FHIT: variants seen among roughly 807,000 people sequenced by gnomAD.
FHIT encodes the protein fragile histidine triad diadenosine triphosphatase, also known as bis(5'-adenosyl)-triphosphatase.
FHIT carries 19 observed loss-of-function variants against 17.9 expected under a neutral mutation model. That is an observed-to-expected ratio of 1.06 (90% CI 0.74 to 1.56). The LOEUF (loss-of-function observed/expected upper bound fraction) is 1.56. FHIT is among the 40% of genes most tolerant of loss of function. The pLI, the probability that FHIT is intolerant of heterozygous loss-of-function variation, is 0.00. For synonymous variants in FHIT, 81 were observed against 69.7 expected (o/e 1.16, Z -0.81); for missense variants, 248 against 189.2 (o/e 1.31, Z -1.82).
At chr3:60,352,338 A>T (rs1699447704) in intron 5 of FHIT, among the ~76,000 whole-genome samples, 2 of 152,186 alleles carry the variant, frequency 1.3e-5, no homozygotes, top group Admixed American at 6.5e-5. Flanking sequence ...AAACAATACG[A>T]AACTAAGAAT....
At chr3:60,527,791 T>C (rs1219155494) in intron 5 of FHIT, among the ~76,000 whole-genome samples, 1 of 152,172 alleles carries the variant, frequency 6.6e-6, no homozygotes, top group Admixed American at 6.5e-5. Flanking sequence ...GAAGAACTTC[T>C]CAGGACACCC....
chr3:59,986,534 T>TAC (rs1288319088), intron 7 of FHIT, among the ~76,000 whole-genome samples: 5 of 11,880 alleles, frequency 4.2e-4, no homozygotes, highest in African/African-American at 2.2e-3. Flanking sequence ...TATATATATA[T>TAC]ATATATACAC....
intron 5 of FHIT, among the ~76,000 whole-genome samples, chr3:60,046,823 G>A (rs544694870): frequency 4.6e-5 from 7 of 152,338 alleles, no homozygotes; most frequent in Admixed American, 3.9e-4. Context: ...ATGCCAGGCA[G>A]GGCATAAGTA....
At chr3:60,931,901 T>G (rs1417491450) in intron 3 of FHIT, among the ~76,000 whole-genome samples, 2 of 152,194 alleles carry the variant, frequency 1.3e-5, no homozygotes, top group East Asian at 3.8e-4. Context: ...GTGTCCTAAT[T>G]ATCCAACTAT....
chr3:60,083,383 T>C (rs1337362300), intron 5 of FHIT, among the ~76,000 whole-genome samples: 2 of 152,188 alleles, frequency 1.3e-5, no homozygotes, highest in Non-Finnish European at 2.9e-5. Flanking sequence ...TGAAGTCAGA[T>C]AACATGATAC....
intron 4 of FHIT, among the ~76,000 whole-genome samples, chr3:60,635,665 A>G (rs2039565703): frequency 6.6e-6 from 1 of 152,158 alleles, no homozygotes; most frequent in Admixed American, 6.5e-5. Flanking sequence ...TTGACAGATT[A>G]AAAGCTCAGA....
chr3:60,786,766 G>A (rs552689959), intron 4 of FHIT, among the ~76,000 whole-genome samples: 2 of 152,260 alleles, frequency 1.3e-5, no homozygotes, highest in East Asian at 3.9e-4. Context: ...CACAGGGCCT[G>A]TCACAAAGTA....
intron 2 of FHIT, among the ~76,000 whole-genome samples, chr3:61,114,874 C>T (rs2036255839): frequency 6.6e-6 from 1 of 152,164 alleles, no homozygotes; most frequent in Non-Finnish European, 1.5e-5. Flanking sequence ...CCTACAGTAG[C>T]TCCCCAATGC....
intron 1 of FHIT, among the ~76,000 whole-genome samples, chr3:61,205,090 T>C (rs9843237): frequency 0.58 from 87,089 of 151,156 alleles, 28,740 homozygotes; most frequent in African/African-American, 0.88. Context: ...TTTGTCCTTG[T>C]GATAGTTTGC....
chr3:60,601,968 G>A (rs1302384471), intron 4 of FHIT, among the ~76,000 whole-genome samples: 1 of 152,100 alleles, frequency 6.6e-6, no homozygotes, highest in Non-Finnish European at 1.5e-5. Flanking sequence ...CCATGATGGA[G>A]AAACTCAAAA....
At chr3:60,632,746 A>T (rs1409344495) in intron 4 of FHIT, among the ~76,000 whole-genome samples, 1 of 152,154 alleles carries the variant, frequency 6.6e-6, no homozygotes, top group Non-Finnish European at 1.5e-5. Context: ...AATGTAAATA[A>T]ATTTTCTAAA....
intron 5 of FHIT, among the ~76,000 whole-genome samples, chr3:60,306,015 A>T (rs1708654013): frequency 6.6e-6 from 1 of 152,138 alleles, no homozygotes; most frequent in Non-Finnish European, 1.5e-5. Flanking sequence ...AGAAAAGCAA[A>T]TTCTGTCAGT....
At chr3:60,107,878 A>G (rs1260603405) in intron 5 of FHIT, among the ~76,000 whole-genome samples, 1 of 152,216 alleles carries the variant, frequency 6.6e-6, no homozygotes, top group Admixed American at 6.5e-5. Context: ...TAAATACAGG[A>G]AAGAATAGTG....
chr3:59,931,884 T>C (rs1438471604), intron 7 of FHIT, among the ~76,000 whole-genome samples: 2 of 152,100 alleles, frequency 1.3e-5, no homozygotes, highest in Non-Finnish European at 2.9e-5. Flanking sequence ...TGATGATGTA[T>C]TGCTCCAAGC....
intron 5 of FHIT, among the ~76,000 whole-genome samples, chr3:60,179,906 T>C (rs2107437724): frequency 6.6e-6 from 1 of 152,306 alleles, no homozygotes; most frequent in Admixed American, 6.5e-5. Context: ...TCTCCTCATA[T>C]GTGAGGTCAA....
intron 3 of FHIT, among the ~76,000 whole-genome samples, chr3:60,966,644 A>G (rs962134412): frequency 2.0e-5 from 3 of 152,218 alleles, no homozygotes; most frequent in African/African-American, 7.2e-5. Flanking sequence ...GGCAAGATTC[A>G]ATTATCATTT....
At chr3:61,154,840 C>G (rs755088630) in intron 2 of FHIT, among the ~76,000 whole-genome samples, 1 of 152,228 alleles carries the variant, frequency 6.6e-6, no homozygotes, top group Non-Finnish European at 1.5e-5. Flanking sequence ...CTTGTCAAAA[C>G]AGCTTTTGAA....
intron 5 of FHIT, among the ~76,000 whole-genome samples, chr3:60,047,559 T>C (rs1701702727): frequency 6.6e-6 from 1 of 152,236 alleles, no homozygotes; most frequent in Non-Finnish European, 1.5e-5. Context: ...AGACCACACC[T>C]GGCGTGAACC....
chr3:60,369,054 T>C (rs6778142), intron 5 of FHIT, among the ~76,000 whole-genome samples: 61,545 of 151,842 alleles, frequency 0.41, 12,653 homozygotes, highest in Non-Finnish European at 0.43. Flanking sequence ...CTCACTGCAG[T>C]GTCAGCCTCC....
Sources: gnomAD v4.1 joint callset for allele counts (sites outside exome capture counted in the v4.1 genomes callset) on GRCh38, gnomAD v4.1.1 for gene constraint, MANE v1.5 for transcripts, NCBI Gene and HGNC (gene_info 2026-07-23, HGNC 2026-07-21) for gene names.